Variants in PTGER2 observed in about 807,000 individuals in gnomAD.
PTGER2 encodes the protein prostaglandin E receptor 2.
A neutral mutation model predicts 26.2 loss-of-function variants in PTGER2; 22 were observed. That is an observed-to-expected ratio of 0.84 (90% CI 0.60 to 1.20). The LOEUF is 1.20. Ranked by LOEUF, PTGER2 falls within the 50% of genes most tolerant of loss-of-function variation. The pLI is 0.00. For missense variants in PTGER2, 458 were observed against 475.2 expected (o/e 0.96, Z 0.34); for synonymous variants, 219 against 208.9 (o/e 1.05, Z -0.42).
chr14:52,325,314 G>C (rs147176217), intron 1 of PTGER2, among the ~76,000 whole-genome samples: 1 of 152,282 alleles, frequency 6.6e-6, no homozygotes, highest in East Asian at 1.9e-4. Context: ...AAGACATTCA[G>C]GAACTCTGAT....
chr14:52,326,438 T>C (rs1308246153), intron 1 of PTGER2, among the ~76,000 whole-genome samples: 2 of 152,260 alleles, frequency 1.3e-5, no homozygotes, highest in African/African-American at 4.8e-5. Context: ...ACTTAGGATG[T>C]GAGCACTGAT....
chr14:52,326,451 A>G (rs1240165972), intron 1 of PTGER2, among the ~76,000 whole-genome samples: 1 of 152,236 alleles, frequency 6.6e-6, no homozygotes, highest in Non-Finnish European at 1.5e-5. Flanking sequence ...GCACTGATCT[A>G]AGTAGCTTAC....
At chr14:52,321,010 T>C (rs941746534) in intron 1 of PTGER2, among the ~76,000 whole-genome samples, 3 of 152,220 alleles carry the variant, frequency 2.0e-5, no homozygotes, top group Non-Finnish European at 4.4e-5. Flanking sequence ...TCCATCAGTT[T>C]GTCAAAGAGT....
chr14:52,315,094 C>T lies in PTGER2; in HGVS notation c.546C>T (p.Cys182=), dbSNP rs141336040. The part of the protein sequence containing the change: ...LLDYGQYVQY[C]PGTWCFIRHG... ...ACTATGGGCAGTACGTCCAGTACTG[C>T]CCCGGGACCTGGTGCTTCATCCGGC... The change falls in exon 1 of 2, where the codon TGC becomes TGT. Residue 182 remains cysteine (C), a synonymous_variant. Transcript: ENST00000245457. The T allele has an allele frequency of 1.6e-4, 254 of 1,610,924 alleles. No individual in the cohort carries two copies. Among genetic ancestry groups the T allele is most frequent in the Middle Eastern group, 1.5e-3 (9 of 6,054 alleles).
chr14:52,321,347 T>C (rs374570647), intron 1 of PTGER2, among the ~76,000 whole-genome samples: 1 of 152,184 alleles, frequency 6.6e-6, no homozygotes, highest in African/African-American at 2.4e-5. Flanking sequence ...TATAACAATC[T>C]ATGCTTGCAA....
chr14:52,321,799 G>T (rs1309790215), intron 1 of PTGER2, among the ~76,000 whole-genome samples: 1 of 152,170 alleles, frequency 6.6e-6, no homozygotes, highest in East Asian at 1.9e-4. Context: ...ACACACAGTA[G>T]GTGTTTAATA....
intron 1 of PTGER2, among the ~76,000 whole-genome samples, chr14:52,326,036 G>A (rs557799079): frequency 6.6e-6 from 1 of 152,322 alleles, no homozygotes; most frequent in South Asian, 2.1e-4. Context: ...TAAATGACTA[G>A]GTGTGATCTA....
rs2033973868 is a variant in PTGER2 at position 52,328,420 on chromosome 14, T to G, written c.*966T>G. On this transcript the variant is annotated 3_prime_UTR_variant, in exon 2 of 2. Coordinates refer to ENST00000245457, the MANE Select transcript of PTGER2 (RefSeq NM_000956.4). ...TCTATATTTTATTTAGGGAACATGG[T>G]TTGACTCATCTTATATGGGAAACCA... The G allele has an allele frequency of 6.6e-6, 1 of 152,654 alleles. No individual in the cohort carries two copies. The highest frequency in any genetic ancestry group is 2.1e-4 in the South Asian group (1 of 4,836). The allele number at this position is 152,654 out of a possible 1,614,324, so 9.5% of individuals were successfully genotyped here.
At chr14:52,323,552 C>T (rs1421057028) in intron 1 of PTGER2, among the ~76,000 whole-genome samples, 1 of 152,216 alleles carries the variant, frequency 6.6e-6, no homozygotes, top group Non-Finnish European at 1.5e-5. Context: ...CCGCACCCAA[C>T]CTATTTTTAA....
chr14:52,314,856 C>T lies in PTGER2; in HGVS notation c.308C>T (p.Ala103Val), dbSNP rs2033817716. 1 of 1,613,098 alleles carries T rather than the reference C, an allele frequency of 6.2e-7. No homozygotes were observed. Among genetic ancestry groups the T allele is most frequent in the East Asian group, 2.2e-5 (1 of 44,864 alleles). ...YARNQTLVAL[A>V]PESRACTYFA... ...CGGAACCAGACCCTGGTGGCACTGG[C>T]GCCCGAGAGCCGCGCGTGCACCTAC... The change falls in exon 1 of 2, where the codon GCG (alanine) becomes GTG (valine). Residue 103 changes from alanine to valine, a missense_variant. Ala to Val is a moderately conservative substitution (Grantham distance 64, BLOSUM62 0). Coordinates refer to ENST00000245457, the MANE Select transcript of PTGER2 (RefSeq NM_000956.4). The surrounding 1 kb of genome is among the most constrained non-coding windows in gnomAD (Gnocchi z 5.7).
rs1397436185 is a variant in PTGER2 at position 52,314,890 on chromosome 14, C to G, written c.342C>G (p.Phe114Leu). 6.2e-7 allele frequency: 1 copy of G among 1,612,992 alleles called. No individual in the cohort carries two copies. Among genetic ancestry groups the G allele is most frequent in the Non-Finnish European group, 8.5e-7 (1 of 1,179,918 alleles). Residue 114 changes from phenylalanine (F) to leucine (L), a missense_variant, in exon 1 of 2, where the codon TTC (phenylalanine) becomes TTG (leucine). Phe to Leu is a conservative substitution (Grantham distance 22, BLOSUM62 0). Coordinates refer to ENST00000245457, the MANE Select transcript of PTGER2 (RefSeq NM_000956.4). The surrounding 1 kb of genome is among the most constrained non-coding windows in gnomAD (Gnocchi z 5.7). The part of the protein sequence containing the change: ...PESRACTYFA[F>L]AMTFFSLATM... ...GCCGCGCGTGCACCTACTTCGCTTT[C>G]GCCATGACCTTCTTCAGCCTGGCCA...
intron 1 of PTGER2, among the ~76,000 whole-genome samples, chr14:52,322,182 AAG>A (rs2033902975): frequency 6.6e-6 from 1 of 152,164 alleles, no homozygotes; most frequent in South Asian, 2.1e-4. Flanking sequence ...AAAGAGTACG[AAG>A]AGAGGAATTA....
chr14:52,326,980 T>C (rs1012933566), intron 1 of PTGER2, among the ~76,000 whole-genome samples: 8 of 152,200 alleles, frequency 5.3e-5, no homozygotes, highest in African/African-American at 1.9e-4. Flanking sequence ...ATGGTGTTAA[T>C]GTTAATTGCA....
chr14:52,327,166 C>A, intron 1 of PTGER2, 55 bp from the exon 2 acceptor site: 1 of 1,291,110 alleles, frequency 7.7e-7, no homozygotes, highest in Non-Finnish European at 1.1e-6. Context: ...GGGTCTAAGC[C>A]TGTCTACTGC....
intron 1 of PTGER2, among the ~76,000 whole-genome samples, chr14:52,319,574 C>T (rs2033874914): frequency 6.6e-6 from 1 of 152,134 alleles, no homozygotes; most frequent in Admixed American, 6.5e-5. Flanking sequence ...TCAGCTTTGC[C>T]ATCGTTTTAC....
intron 1 of PTGER2, among the ~76,000 whole-genome samples, chr14:52,319,762 A>G (rs371870177): frequency 5.1e-4 from 77 of 152,328 alleles, no homozygotes; most frequent in Non-Finnish European, 7.9e-4. Context: ...TCCACATGCC[A>G]TGAGGATAAA....
chr14:52,320,569 GTCT>G (rs2033884949), intron 1 of PTGER2, among the ~76,000 whole-genome samples: 1 of 152,180 alleles, frequency 6.6e-6, no homozygotes, highest in South Asian at 2.1e-4. Flanking sequence ...CAATGAACAG[GTCT>G]CTTTCCAGCT....
Position 52,314,472 on chromosome 14 carries a change from G to C in PTGER2, c.-77G>C, listed in dbSNP as rs1051464674. On this transcript the variant is annotated 5_prime_UTR_variant, in exon 1 of 2. Transcript: ENST00000245457. This position sits in a 1 kb window ranked among gnomAD's most constrained non-coding sequence, Gnocchi z 5.7. ...CCCTTTTTCCTCTGAGTCTCGGAAC[G>C]CTCCGGCTCTCAGACCCTCTTCCTC... The C allele has an allele frequency of 1.7e-5, 22 of 1,328,216 alleles. No individual in the cohort carries two copies. Among genetic ancestry groups the C allele is most frequent in the Non-Finnish European group, 1.9e-5 (20 of 1,026,658 alleles). The allele number at this position is 1,328,216 out of a possible 1,614,324, so 82.3% of individuals were successfully genotyped here.
intron 1 of PTGER2, among the ~76,000 whole-genome samples, chr14:52,317,218 A>G (rs2033849908): frequency 6.6e-6 from 1 of 152,228 alleles, no homozygotes; most frequent in Admixed American, 6.5e-5. Flanking sequence ...ATCCCCCACT[A>G]TCAGCTACTT....
Sources: gnomAD v4.1 joint callset for allele counts (sites outside exome capture counted in the v4.1 genomes callset) on GRCh38, gnomAD v4.1.1 for gene constraint, Gnocchi (gnomAD v3.1) non-coding constraint, MANE v1.5 for transcripts, NCBI Gene and HGNC (gene_info 2026-07-23, HGNC 2026-07-21) for gene names.